The following IDO2 variants were observed in gnomAD, a reference collection of about 807,000 sequenced individuals.
IDO2 encodes the protein indoleamine 2,3-dioxygenase 2, also known as indoleamine 2,3-dioxygenase-like 1 protein.
A neutral mutation model predicts 45.1 loss-of-function variants in IDO2; 46 were observed. The ratio of observed to expected loss-of-function variants is 1.02; its 90% CI spans 0.80 to 1.30. The LOEUF (loss-of-function observed/expected upper bound fraction) is 1.30. IDO2 is among the 50% of genes most tolerant of loss of function. The pLI is 0.00. For missense variants in IDO2, 544 were observed against 491.8 expected, an observed-to-expected ratio of 1.11 and a Z score of -1.00; for synonymous variants, 218 against 184.9, an observed-to-expected ratio of 1.18 and a Z score of -1.45.
intron 8 of IDO2, among the ~76,000 whole-genome samples, chr8:39,994,305 T>A (rs1801997030): frequency 6.6e-6 from 1 of 151,370 alleles, no homozygotes; most frequent in African/African-American, 2.4e-5. Flanking sequence ...TTGCCCAGGC[T>A]GGGGTGCGAT....
At chr8:39,959,111 A>ATTTT (rs36099242) in intron 2 of IDO2, among the ~76,000 whole-genome samples, 2 of 141,720 alleles carry the variant, frequency 1.4e-5, no homozygotes, top group African/African-American at 2.6e-5. Context: ...TAATCTGTAG[A>ATTTT]TTTTTTTTTT....
At chr8:39,982,513 T>C (rs1209167976) in intron 4 of IDO2, 139 bp from the exon 5 acceptor site, 1 of 599,184 alleles carries the variant, frequency 1.7e-6, no homozygotes, top group Non-Finnish European at 2.9e-6. Flanking sequence ...CATATGAATG[T>C]GCATCACTCA....
intron 8 of IDO2, among the ~76,000 whole-genome samples, chr8:39,997,166 C>T (rs1802057068): frequency 6.6e-6 from 1 of 152,108 alleles, no homozygotes; most frequent in Non-Finnish European, 1.5e-5. Flanking sequence ...ATGAACTCTA[C>T]CACTATATTT....
chr8:40,015,450 G>T (rs370060883), exon 11 of IDO2: 17 of 1,613,842 alleles, frequency 1.1e-5, no homozygotes, highest in Non-Finnish European at 1.4e-5. Flanking sequence ...CCTCATCACA[G>T]CTGCAGCCAA....
At chr8:40,011,795 A>C (rs2001493) in intron 9 of IDO2, among the ~76,000 whole-genome samples, 1 of 152,068 alleles carries the variant, frequency 6.6e-6, no homozygotes, top group Non-Finnish European at 1.5e-5. Flanking sequence ...TTAATGAACT[A>C]AGCCAAGGCT....
chr8:39,993,127 G>A lies in IDO2; in HGVS notation c.667+3289G>A, dbSNP rs552140275. 2.0e-5 allele frequency among the ~76,000 whole-genome samples: 3 copies of A among 152,186 alleles called. No individual in the cohort carries two copies. The South Asian group carries it at 6.2e-4, about 32-fold the overall frequency. On this transcript the variant is annotated intron_variant, in intron 8 of 10. Transcript: ENST00000502986. ...CGTGTCTGCATCCAGTCCTTCTTTGGAGCTGCTTTCCAGCGACTCAGCCAG... is the reference window on the plus strand; with the variant it reads ...CGTGTCTGCATCCAGTCCTTCTTTGAAGCTGCTTTCCAGCGACTCAGCCAG...
intron 3 of IDO2, among the ~76,000 whole-genome samples, chr8:39,978,003 T>C (rs1325320606): frequency 6.6e-6 from 1 of 152,212 alleles, no homozygotes; most frequent in Non-Finnish European, 1.5e-5. Context: ...TATTGTAGCC[T>C]CCTGTTGTGC....
At chr8:39,949,057 A>C in intron 1 of IDO2, 92 bp from the exon 2 acceptor site, 3 of 1,510,240 alleles carry the variant, frequency 2.0e-6, no homozygotes, top group Non-Finnish European at 2.7e-6. Flanking sequence ...CCTGTGCCTG[A>C]GACACTGCGC....
At chr8:39,965,119 G>A (rs2052378) in intron 3 of IDO2, among the ~76,000 whole-genome samples, 28,880 of 152,172 alleles carry the variant, frequency 0.19, 2,730 homozygotes, top group East Asian at 0.27. Context: ...TCTTAGCACA[G>A]CATTGAAACC....
intron 3 of IDO2, among the ~76,000 whole-genome samples, chr8:39,969,538 A>T (rs1320898688): frequency 1.3e-5 from 2 of 152,118 alleles, no homozygotes; most frequent in African/African-American, 2.4e-5. Flanking sequence ...AATGGCCTCT[A>T]AGTGTTCAAG....
intron 8 of IDO2, among the ~76,000 whole-genome samples, chr8:40,001,079 T>C (rs938424383): frequency 2.6e-5 from 4 of 152,080 alleles, no homozygotes; most frequent in South Asian, 2.1e-4. Context: ...TCCTCCCACA[T>C]TGGCCTTTCA....
At chr8:39,974,107 G>T (rs1808223623) in intron 3 of IDO2, among the ~76,000 whole-genome samples, 1 of 152,080 alleles carries the variant, frequency 6.6e-6, no homozygotes, top group Admixed American at 6.6e-5. Context: ...ATAATATACA[G>T]TTAACAGCAA....
At chr8:39,938,672 T>C (rs1807593927) in intron 1 of IDO2, among the ~76,000 whole-genome samples, 1 of 151,994 alleles carries the variant, frequency 6.6e-6, no homozygotes, top group South Asian at 2.1e-4. Context: ...TGGGAGAAAA[T>C]ATTTGCAAAA....
chr8:40,008,460 C>A (rs1051263821), intron 9 of IDO2, among the ~76,000 whole-genome samples: 2 of 152,148 alleles, frequency 1.3e-5, no homozygotes. Context: ...ATTCAGCTTA[C>A]CTAGGTAATT....
intron 2 of IDO2, 114 bp downstream of exon 2, chr8:39,949,378 T>A: frequency 1.4e-6 from 1 of 721,206 alleles, no homozygotes; most frequent in East Asian, 2.8e-5. Context: ...TATCAAGTTG[T>A]TTACCTGAGA....
At chr8:39,972,473 G>T (rs896952096) in intron 3 of IDO2, among the ~76,000 whole-genome samples, 1 of 151,876 alleles carries the variant, frequency 6.6e-6, no homozygotes, top group African/African-American at 2.4e-5. Context: ...AGCTGGTCAT[G>T]GTGGCAGGCT....
chr8:39,954,720 A>G (rs1807864791), intron 2 of IDO2, among the ~76,000 whole-genome samples: 1 of 143,240 alleles, frequency 7.0e-6, no homozygotes, highest in Non-Finnish European at 1.5e-5. Flanking sequence ...CAGTGGTGCA[A>G]TCTCGGCTCA....
chr8:40,001,953 T>C lies in IDO2; in HGVS notation c.668-3374T>C, dbSNP rs565790297. 5.9e-5 allele frequency among the ~76,000 whole-genome samples: 9 copies of C among 152,148 alleles called. No homozygotes were observed. The South Asian group carries it at 1.7e-3, about 28-fold the overall frequency. On this transcript the variant is annotated intron_variant, in intron 8 of 10. Transcript: ENST00000502986. ...AGCATGTGCCACCACACCAGTCTAA[T>C]TTTTGTATTTTTAGTGGAGACAGGA...
At chr8:39,945,209 G>A (rs1807712152) in intron 1 of IDO2, among the ~76,000 whole-genome samples, 1 of 152,262 alleles carries the variant, frequency 6.6e-6, no homozygotes, top group Admixed American at 6.5e-5. Context: ...GGCACTTTCA[G>A]GGTCAGAAGA....
Sources: gnomAD v4.1 joint callset for allele counts (sites outside exome capture counted in the v4.1 genomes callset) on GRCh38, gnomAD v4.1.1 for gene constraint, MANE v1.5 for transcripts, NCBI Gene and HGNC (gene_info 2026-07-23, HGNC 2026-07-21) for gene names.